EYS: variants seen among roughly 807,000 people sequenced by gnomAD.
The protein encoded by EYS is protein eyes shut homolog.
EYS carries 250 observed loss-of-function variants against 282.1 expected under a neutral mutation model. The observed-to-expected ratio is 0.89, with a 90% CI of 0.80 to 0.98. The LOEUF is 0.98. Among genes scored for constraint, EYS ranks in the 50% least tolerant of loss-of-function variants. The pLI, the probability that EYS is intolerant of heterozygous loss-of-function variation, is 0.00. For synonymous variants in EYS, 1,355 were observed against 1,282.9 expected (o/e 1.06, Z -1.20); for missense variants, 4,016 against 3,709.0 (o/e 1.08, Z -2.15).
At chr6:64,745,799 A>G (rs1044620500) in intron 22 of EYS, among the ~76,000 whole-genome samples, 1 of 152,148 alleles carries the variant, frequency 6.6e-6, no homozygotes, top group Non-Finnish European at 1.5e-5. Flanking sequence ...TGTTTTGTTT[A>G]TCTGGAATAA....
At chr6:64,439,670 CTTT>C (rs991611171) in intron 26 of EYS, among the ~76,000 whole-genome samples, 7 of 151,828 alleles carry the variant, frequency 4.6e-5, no homozygotes, top group African/African-American at 1.4e-4. Context: ...CTTATTTCTT[CTTT>C]ATATAAGATA....
intron 34 of EYS, among the ~76,000 whole-genome samples, chr6:63,984,927 C>G (rs1582080931): frequency 6.6e-6 from 1 of 151,384 alleles, no homozygotes; most frequent in African/African-American, 2.4e-5. Flanking sequence ...TAAACATTAC[C>G]AAATAATAAC....
At chr6:64,343,700 C>G (rs1222198813) in intron 29 of EYS, among the ~76,000 whole-genome samples, 1 of 151,998 alleles carries the variant, frequency 6.6e-6, no homozygotes, top group Non-Finnish European at 1.5e-5. Flanking sequence ...CAAGAAGTAA[C>G]TAAGATCGAG....
chr6:64,819,106 T>C (rs1277443913), intron 21 of EYS, among the ~76,000 whole-genome samples: 1 of 152,136 alleles, frequency 6.6e-6, no homozygotes, highest in Non-Finnish European at 1.5e-5. Context: ...AAACAGTTCA[T>C]GAATCTCCTG....
chr6:64,767,138 T>C (rs1185091924), intron 22 of EYS, among the ~76,000 whole-genome samples: 1 of 151,916 alleles, frequency 6.6e-6, no homozygotes, highest in Non-Finnish European at 1.5e-5. Context: ...CATAAGTGAA[T>C]TTAATTTTTA....
At chr6:65,416,373 GTTA>G (rs891269770) in intron 5 of EYS, among the ~76,000 whole-genome samples, 6 of 151,864 alleles carry the variant, frequency 4.0e-5, no homozygotes, top group Non-Finnish European at 7.4e-5. Flanking sequence ...CCAAGTGTAA[GTTA>G]TTATCATTTT....
intron 14 of EYS, among the ~76,000 whole-genome samples, chr6:64,952,832 C>A (rs79954524): frequency 6.6e-6 from 1 of 151,806 alleles, no homozygotes; most frequent in African/African-American, 2.4e-5. Flanking sequence ...TCTCTAGTTT[C>A]TAAAGTATAA....
At chr6:64,835,908 G>A (rs997428828) in intron 19 of EYS, among the ~76,000 whole-genome samples, 23 of 151,512 alleles carry the variant, frequency 1.5e-4, no homozygotes, top group South Asian at 1.0e-3. Flanking sequence ...AAATTAAGAT[G>A]ATGATATTAG....
intron 20 of EYS, 91 bp downstream of exon 20, chr6:64,822,560 A>G (rs1764930266): frequency 1.8e-6 from 2 of 1,101,476 alleles, no homozygotes; most frequent in Non-Finnish European, 2.6e-6. Context: ...CATAATTAAA[A>G]TTATCTTTAT....
intron 26 of EYS, among the ~76,000 whole-genome samples, chr6:64,519,879 G>A (rs1777677248): frequency 6.6e-6 from 1 of 151,826 alleles, no homozygotes; most frequent in Non-Finnish European, 1.5e-5. Context: ...TTTTATAAAA[G>A]GGTGGATAAA....
chr6:65,200,834 A>G (rs1765882383), intron 12 of EYS, among the ~76,000 whole-genome samples: 1 of 152,268 alleles, frequency 6.6e-6, no homozygotes, highest in African/African-American at 2.4e-5. Context: ...AAATAGTAAT[A>G]AAATCAAATA....
At chr6:65,642,966 C>T (rs1355101525) in intron 1 of EYS, among the ~76,000 whole-genome samples, 116 of 152,194 alleles carry the variant, frequency 7.6e-4, no homozygotes, top group Non-Finnish European at 8.8e-5. Flanking sequence ...TGTGTGAAGA[C>T]TTACATCATA....
chr6:65,621,889 A>G (rs1409692182), intron 2 of EYS, among the ~76,000 whole-genome samples: 2 of 152,194 alleles, frequency 1.3e-5, no homozygotes, highest in African/African-American at 4.8e-5. Flanking sequence ...AATGAAGAGA[A>G]GTTAAGTGAG....
At chr6:64,085,338 G>GCACACACACACACACACACACA (rs749247868) in intron 31 of EYS, among the ~76,000 whole-genome samples, 2 of 85,554 alleles carry the variant, frequency 2.3e-5, no homozygotes, top group East Asian at 4.3e-4. Flanking sequence ...GCACGTGCGC[G>GCACACACACACACACACACACA]CGCACACACA....
intron 26 of EYS, among the ~76,000 whole-genome samples, chr6:64,562,946 G>A (rs1469575619): frequency 6.6e-6 from 1 of 151,864 alleles, no homozygotes; most frequent in Non-Finnish European, 1.5e-5. Flanking sequence ...TTGCATAACT[G>A]TCAATGGTAA....
At chr6:64,707,697 G>A (rs1469733708) in intron 22 of EYS, among the ~76,000 whole-genome samples, 2 of 148,290 alleles carry the variant, frequency 1.3e-5, no homozygotes, top group Admixed American at 1.3e-4. Context: ...TACACATTGG[G>A]TACAGTGTAC....
intron 12 of EYS, among the ~76,000 whole-genome samples, chr6:65,266,985 T>TAGAGAG (rs1423362742): frequency 8.0e-6 from 1 of 124,650 alleles, no homozygotes; most frequent in Non-Finnish European, 1.7e-5. Flanking sequence ...GACATATATA[T>TAGAGAG]ATATAGAGAG....
chr6:64,764,852 C>T (rs369377434), intron 22 of EYS, among the ~76,000 whole-genome samples: 2 of 152,226 alleles, frequency 1.3e-5, no homozygotes, highest in East Asian at 3.9e-4. Flanking sequence ...GATTCTCCTG[C>T]CTCAGCCTCC....
At chr6:65,287,158 A>T (rs1358940803) in intron 12 of EYS, among the ~76,000 whole-genome samples, 3 of 151,526 alleles carry the variant, frequency 2.0e-5, no homozygotes, top group African/African-American at 7.2e-5. Flanking sequence ...AAGATATTTC[A>T]TATTTAGATG....
Sources: allele counts gnomAD v4.1 joint callset (sites outside exome capture counted in the v4.1 genomes callset), GRCh38; gene constraint gnomAD v4.1.1; transcripts MANE v1.5; gene names NCBI Gene and HGNC (gene_info 2026-07-23, HGNC 2026-07-21).